Variants in CTNNA3 observed in about 807,000 individuals in gnomAD.
The protein encoded by CTNNA3 is catenin alpha-3.
CTNNA3 carries 76 observed loss-of-function variants against 95.7 expected under a neutral mutation model. The observed-to-expected ratio is 0.79, with a 90% CI of 0.66 to 0.96. The LOEUF is 0.96. Among genes scored for constraint, CTNNA3 ranks in the 40% least tolerant of loss-of-function variants. CTNNA3 has a pLI of 0.00. For missense variants in CTNNA3, 1,191 were observed against 1,089.8 expected (o/e 1.09, Z -1.31); for synonymous variants, 431 against 374.4 (o/e 1.15, Z -1.74).
intron 2 of CTNNA3, among the ~76,000 whole-genome samples, chr10:67,614,004 CA>C (rs1843560612): frequency 6.6e-6 from 1 of 151,896 alleles, no homozygotes; most frequent in African/African-American, 2.4e-5. Context: ...TGAGCAGTAG[CA>C]AGATTTATTT....
chr10:66,437,666 A>T (rs575110892), intron 11 of CTNNA3, among the ~76,000 whole-genome samples: 1 of 151,976 alleles, frequency 6.6e-6, no homozygotes, highest in Admixed American at 6.6e-5. Context: ...TGCTCAGAGG[A>T]GTTTGTTATT....
At chr10:65,920,751 A>G in intron 17 of CTNNA3, 134 bp from the exon 18 acceptor site, 1 of 905,048 alleles carries the variant, frequency 1.1e-6, no homozygotes, top group Admixed American at 2.8e-5. Context: ...ACTTGAGCCC[A>G]GGAGGCAAAG....
At chr10:67,157,749 G>A (rs1861373585) in intron 7 of CTNNA3, among the ~76,000 whole-genome samples, 1 of 152,028 alleles carries the variant, frequency 6.6e-6, no homozygotes. Flanking sequence ...GAGATCAATG[G>A]CCATAAGAAG....
intron 7 of CTNNA3, among the ~76,000 whole-genome samples, chr10:66,803,451 T>C (rs1313859130): frequency 1.3e-5 from 2 of 151,984 alleles, no homozygotes; most frequent in East Asian, 3.9e-4. Flanking sequence ...ACCTCCCACC[T>C]CTGTTCAATT....
chr10:66,569,911 T>C (rs1487136051), intron 10 of CTNNA3, among the ~76,000 whole-genome samples: 1 of 152,080 alleles, frequency 6.6e-6, no homozygotes, highest in Non-Finnish European at 1.5e-5. Flanking sequence ...ATAATATAGG[T>C]AGATATTTGT....
intron 7 of CTNNA3, among the ~76,000 whole-genome samples, chr10:66,789,956 C>T (rs759749380): frequency 1.3e-5 from 2 of 152,058 alleles, no homozygotes; most frequent in East Asian, 1.9e-4. Flanking sequence ...GCAGTACTCT[C>T]GCTGAGCAAT....
At chr10:66,601,333 CA>C (rs1843916059) in intron 10 of CTNNA3, among the ~76,000 whole-genome samples, 1 of 151,822 alleles carries the variant, frequency 6.6e-6, no homozygotes, top group African/African-American at 2.4e-5. Context: ...CTCCATTAGG[CA>C]AAAAGTAGAA....
chr10:67,344,497 G>A (rs938409001), intron 5 of CTNNA3, among the ~76,000 whole-genome samples: 1 of 151,990 alleles, frequency 6.6e-6, no homozygotes, highest in Admixed American at 6.5e-5. Flanking sequence ...TTTACTAGGA[G>A]ACTTTTACTA....
In CTNNA3 at chr10:66,251,269, T is replaced by A. The variant is rs555425960; in HGVS notation, c.1884+29201A>T. Among the ~76,000 whole-genome samples the A allele has an allele frequency of 9.2e-5, 14 of 151,714 alleles. No individual in the cohort carries two copies. In the South Asian group the frequency reaches 2.1e-3, roughly 23 times the overall value. On this transcript the variant is annotated intron_variant, in intron 13 of 17. Coordinates refer to ENST00000433211, the MANE Select transcript of CTNNA3 (RefSeq NM_013266.4). ...TTCTTACACTGATCAGTCTTTGTAT[T>A]CATGAAGCAATACCAAATGATTAAG...
chr10:66,951,465 T>C (rs893047650), intron 7 of CTNNA3, among the ~76,000 whole-genome samples: 1 of 152,188 alleles, frequency 6.6e-6, no homozygotes, highest in Non-Finnish European at 1.5e-5. Flanking sequence ...ATTGCAATAA[T>C]GTGTCCCCTA....
At chr10:66,596,030 T>C (rs1439602667) in intron 10 of CTNNA3, among the ~76,000 whole-genome samples, 1 of 152,076 alleles carries the variant, frequency 6.6e-6, no homozygotes, top group Non-Finnish European at 1.5e-5. Flanking sequence ...ACCCTCGTCC[T>C]ACAATTTCTC....
intron 8 of CTNNA3, among the ~76,000 whole-genome samples, chr10:66,774,030 G>T (rs1201626093): frequency 6.6e-6 from 1 of 152,128 alleles, no homozygotes; most frequent in African/African-American, 2.4e-5. Context: ...GCTTTTATTT[G>T]CTAAATCTGG....
chr10:67,084,022 G>A (rs776441008), intron 7 of CTNNA3, among the ~76,000 whole-genome samples: 10 of 152,106 alleles, frequency 6.6e-5, no homozygotes, highest in Non-Finnish European at 1.0e-4. Context: ...GAAGAGGTTC[G>A]TTGCTTTGCA....
intron 1 of CTNNA3, among the ~76,000 whole-genome samples, chr10:67,668,382 G>A (rs895408883): frequency 2.4e-4 from 37 of 152,242 alleles, no homozygotes; most frequent in African/African-American, 8.7e-4. Flanking sequence ...AAGACCCATA[G>A]TGAATTCCTG....
intron 13 of CTNNA3, among the ~76,000 whole-genome samples, chr10:66,209,594 G>A (rs2088000075): frequency 1.3e-5 from 2 of 152,070 alleles, no homozygotes; most frequent in Non-Finnish European, 2.9e-5. Flanking sequence ...GGAAGTTAAT[G>A]GAATAAACAA....
At chr10:66,027,490 G>A (rs949016577) in intron 15 of CTNNA3, among the ~76,000 whole-genome samples, 1 of 152,106 alleles carries the variant, frequency 6.6e-6, no homozygotes, top group African/African-American at 2.4e-5. Context: ...AATAGGCTAT[G>A]CCAGAAATGT....
At chr10:67,415,523 T>A (rs1165917842) in intron 5 of CTNNA3, among the ~76,000 whole-genome samples, 1 of 152,042 alleles carries the variant, frequency 6.6e-6, no homozygotes, top group Non-Finnish European at 1.5e-5. Context: ...GGACAAACAT[T>A]CCATACTCAT....
chr10:67,731,930 T>TTTTTTGTTTTTG (rs142016549), intron 1 of CTNNA3, among the ~76,000 whole-genome samples: 3 of 150,990 alleles, frequency 2.0e-5, no homozygotes, highest in Non-Finnish European at 2.9e-5. Flanking sequence ...CCGGCTAATT[T>TTTTTTGTTTTTG]TTTTTGTTTT....
intron 13 of CTNNA3, among the ~76,000 whole-genome samples, chr10:66,268,932 A>G (rs1398677583): frequency 2.0e-5 from 3 of 152,196 alleles, no homozygotes; most frequent in Non-Finnish European, 2.9e-5. Flanking sequence ...GTAGAGACCT[A>G]TTCAGGAAAA....
Sources: allele counts gnomAD v4.1 joint callset (sites outside exome capture counted in the v4.1 genomes callset), GRCh38; gene constraint gnomAD v4.1.1; transcripts MANE v1.5; gene names NCBI Gene and HGNC (gene_info 2026-07-23, HGNC 2026-07-21).